The following TRPM3 variants were observed in gnomAD, a reference collection of about 807,000 sequenced individuals.
TRPM3 encodes transient receptor potential cation channel subfamily M member 3, also known as long transient receptor potential channel 3.
A neutral mutation model predicts 181.2 loss-of-function variants in TRPM3; 77 were observed. The ratio of observed to expected loss-of-function variants is 0.42; its 90% CI spans 0.35 to 0.51. The LOEUF (loss-of-function observed/expected upper bound fraction) is 0.51. Ranked by LOEUF, TRPM3 falls within the 20% of genes least tolerant of loss-of-function variation. TRPM3 has a pLI of 0.01. For missense variants in TRPM3, 1,759 were observed against 2,196.7 expected (o/e 0.80, Z 3.98); for synonymous variants, 745 against 796.4 (o/e 0.94, Z 1.09).
chr9:70,675,169 C>T lies in TRPM3; in HGVS notation c.1345+6337G>A, dbSNP rs150455728. Among the ~76,000 whole-genome samples, 118 of 152,108 alleles carry T rather than the reference C, an allele frequency of 7.8e-4. 3 individuals carry two copies. The highest frequency in any genetic ancestry group is 2.6e-3 in the African/African-American group (110 of 41,520). On this transcript the variant is annotated intron_variant, in intron 9 of 25. Transcript: ENST00000677713. ...GATCTGGAGTGCAATGGCATGATCT[C>T]GGCTCACTGCAACCTCCACCTCCCA...
At chr9:70,641,946 T>C (rs1224913016) in intron 9 of TRPM3, among the ~76,000 whole-genome samples, 1 of 152,222 alleles carries the variant, frequency 6.6e-6, no homozygotes, top group Non-Finnish European at 1.5e-5. Flanking sequence ...CCAGTTTACA[T>C]GGCTGGGGTG....
chr9:71,172,995 T>A (rs909916439), intron 1 of TRPM3, among the ~76,000 whole-genome samples: 14 of 152,178 alleles, frequency 9.2e-5, no homozygotes, highest in African/African-American at 3.4e-4. Context: ...AAAAGCCACA[T>A]AGATCTGGAA....
At chr9:70,980,703 C>T (rs949444117) in intron 1 of TRPM3, among the ~76,000 whole-genome samples, 4 of 152,224 alleles carry the variant, frequency 2.6e-5, no homozygotes, top group Non-Finnish European at 5.9e-5. Context: ...TGGCCCCTGC[C>T]AACACATACT....
chr9:70,861,009 A>G (rs17556102), intron 3 of TRPM3, among the ~76,000 whole-genome samples: 4,382 of 152,260 alleles, frequency 0.029, 87 homozygotes, highest in Middle Eastern at 0.058. Flanking sequence ...TGTTATCTAA[A>G]TCCACAATCT....
chr9:71,088,169 C>T (rs574931714), intron 1 of TRPM3, among the ~76,000 whole-genome samples: 1 of 152,102 alleles, frequency 6.6e-6, no homozygotes, highest in African/African-American at 2.4e-5. Flanking sequence ...CTATGGAAGA[C>T]GAGACACTTG....
In TRPM3 at chr9:70,553,256, G is replaced by A. The variant is rs2046870612; in HGVS notation, c.3278C>T (p.Pro1093Leu). Reference protein sequence around the residue: ...REDGKIIQLPPCKTGAWIVPA... With the variant: ...REDGKIIQLPLCKTGAWIVPA... ...CACGATCCAAGCTCCTGTCTTGCAG[G>A]GAGGCAGCTGGATTATTTTACCATC... The change falls in exon 23 of 26, where the codon CCC becomes CTC. Residue 1093 changes from proline (P) to leucine (L), a missense_variant. This residue lies in a region of TRPM3 where 94 missense variants were observed against 221.3 expected (regional missense o/e 0.42). Transcript: ENST00000677713. The A allele has an allele frequency of 6.2e-7, 1 of 1,614,114 alleles. No individual in the cohort carries two copies. Among genetic ancestry groups the A allele is most frequent in the Non-Finnish European group, 8.5e-7 (1 of 1,180,030 alleles).
intron 6 of TRPM3, among the ~76,000 whole-genome samples, chr9:70,823,291 A>T (rs1249965507): frequency 6.6e-6 from 1 of 152,172 alleles, no homozygotes; most frequent in East Asian, 1.9e-4. Context: ...TCTCTACCTC[A>T]GTCTAATCTC....
Position 71,193,713 on chromosome 9 carries a change from G to C in TRPM3, c.183+252940C>G, listed in dbSNP as rs574105540. Among the ~76,000 whole-genome samples the C allele has an allele frequency of 1.3e-4, 19 of 151,914 alleles. No homozygotes were observed. The South Asian group carries it at 3.9e-3, about 32-fold the overall frequency. On this transcript the variant is annotated intron_variant, in intron 1 of 24. Coordinates refer to the TRPM3 transcript ENST00000357533. ...CCAAACTTAACTTTTCTATTCTCTT[G>C]TATTACTGAGTCAGTGGATGATGTT...
intron 6 of TRPM3, among the ~76,000 whole-genome samples, chr9:70,792,735 A>C (rs755586333): frequency 1.3e-5 from 2 of 152,060 alleles, no homozygotes; most frequent in Non-Finnish European, 2.9e-5. Flanking sequence ...ATTTATAGTC[A>C]CTTGTCCATG....
At chr9:70,793,759 C>G (rs377603306) in intron 6 of TRPM3, 10 of 423,220 alleles carry the variant, frequency 2.4e-5, no homozygotes, top group Non-Finnish European at 4.5e-5. Context: ...AATTTTTCAA[C>G]TTTGCAGTGA....
chr9:71,022,132 T>C (rs1196598849), intron 1 of TRPM3, among the ~76,000 whole-genome samples: 1 of 152,122 alleles, frequency 6.6e-6, no homozygotes, highest in Non-Finnish European at 1.5e-5. Flanking sequence ...TTCTACCTGG[T>C]AGCAAGTCTT....
At chr9:70,919,145 A>C (rs897900767) in intron 1 of TRPM3, among the ~76,000 whole-genome samples, 3 of 152,124 alleles carry the variant, frequency 2.0e-5, no homozygotes, top group African/African-American at 7.2e-5. Context: ...AAAGCACCAG[A>C]TTTTCACCCT....
chr9:71,340,273 G>A lies in TRPM3; in HGVS notation c.183+106380C>T, dbSNP rs1000428457. ...CAGTAGTGCTGGGCTGGAGTGAAAG[G>A]TATCAGTATGGACTGATGGTTTTGT... On this transcript the variant is annotated intron_variant, in intron 1 of 24. Transcript: ENST00000357533. Among the ~76,000 whole-genome samples, 4 of 152,136 alleles carry A rather than the reference G, an allele frequency of 2.6e-5. No homozygotes were observed. In the East Asian group the frequency reaches 7.7e-4, roughly 29 times the overall value.
chr9:71,206,467 T>G (rs1231669278), intron 1 of TRPM3, among the ~76,000 whole-genome samples: 9 of 152,174 alleles, frequency 5.9e-5, no homozygotes, highest in Admixed American at 5.9e-4. Context: ...TTAAGTTCCT[T>G]GTAGATTCTG....
At chr9:71,065,719 G>A (rs2061835391) in intron 1 of TRPM3, among the ~76,000 whole-genome samples, 1 of 152,102 alleles carries the variant, frequency 6.6e-6, no homozygotes, top group African/African-American at 2.4e-5. Flanking sequence ...AACAAAATTT[G>A]TATCACATGT....
At chr9:71,016,527 A>G (rs937755437) in intron 1 of TRPM3, among the ~76,000 whole-genome samples, 1 of 152,118 alleles carries the variant, frequency 6.6e-6, no homozygotes, top group Non-Finnish European at 1.5e-5. Context: ...TCCTTTTATG[A>G]CTGACTTAAT....
chr9:70,646,978 C>G (rs963853490), intron 9 of TRPM3, among the ~76,000 whole-genome samples: 2 of 151,598 alleles, frequency 1.3e-5, no homozygotes, highest in African/African-American at 4.8e-5. Context: ...TACAACCTCC[C>G]AAGATTGAAC....
At chr9:70,667,044 C>G (rs964081624) in intron 9 of TRPM3, among the ~76,000 whole-genome samples, 7 of 151,508 alleles carry the variant, frequency 4.6e-5, no homozygotes, top group African/African-American at 1.2e-4. Context: ...CTATTAAAGA[C>G]AGTATTGGTG....
chr9:71,058,144 G>A (rs993032894), intron 1 of TRPM3, among the ~76,000 whole-genome samples: 5 of 151,986 alleles, frequency 3.3e-5, no homozygotes, highest in South Asian at 2.1e-4. Flanking sequence ...GATATTTCCC[G>A]AATAATATTA....
Sources: allele counts gnomAD v4.1 joint callset (sites outside exome capture counted in the v4.1 genomes callset), GRCh38; gene constraint gnomAD v4.1.1; regional missense constraint gnomAD v4.1.1; transcripts MANE v1.5; gene names NCBI Gene and HGNC (gene_info 2026-07-23, HGNC 2026-07-21).